CELF2: variants seen among roughly 807,000 people sequenced by gnomAD.
CELF2 encodes CUGBP Elav-like family member 2.
In CELF2, 8 loss-of-function variants were observed where a neutral mutation model predicts 62.6. The observed-to-expected ratio is 0.13, with a 90% CI of 0.07 to 0.23. The LOEUF is 0.23. Ranked by LOEUF, CELF2 falls within the 10% of genes least tolerant of loss-of-function variation. The probability of loss-of-function intolerance (pLI) is 1.00; values close to 1 mark genes in which losing one functional copy is unlikely to be tolerated. For missense variants in CELF2, 333 were observed against 671.0 expected, an observed-to-expected ratio of 0.50 and a Z score of 5.56; for synonymous variants, 258 against 250.0, an observed-to-expected ratio of 1.03 and a Z score of -0.30.
the CELF2 span, among the ~76,000 whole-genome samples, chr10:10,636,522 G>T: frequency 6.6e-6 from 1 of 152,284 alleles, no homozygotes; most frequent in East Asian, 1.9e-4. Context: ...CAATAATTGT[G>T]TGTTGACTGC....
chr10:10,497,785 T>C, the CELF2 span, among the ~76,000 whole-genome samples: 1 of 152,196 alleles, frequency 6.6e-6, no homozygotes, highest in Non-Finnish European at 1.5e-5. Context: ...GCACCGATAC[T>C]GTAAGCATCC....
chr10:11,182,388 C>T (rs2073715178), intron 2 of CELF2, among the ~76,000 whole-genome samples: 2 of 152,174 alleles, frequency 1.3e-5, no homozygotes, highest in African/African-American at 4.8e-5. Flanking sequence ...ACATACGACC[C>T]TTTTATGAGG....
At chr10:10,486,165 G>C in the CELF2 span, among the ~76,000 whole-genome samples, 1 of 152,122 alleles carries the variant, frequency 6.6e-6, no homozygotes, top group African/African-American at 2.4e-5. Context: ...AGGTGGAAAT[G>C]GTGGTCTTCA....
At chr10:11,057,687 G>A (rs947767321) in intron 1 of CELF2, among the ~76,000 whole-genome samples, 8 of 152,096 alleles carry the variant, frequency 5.3e-5, no homozygotes, top group Non-Finnish European at 8.8e-5. Flanking sequence ...GGCTTTTTAA[G>A]CATAAGGATG....
chr10:10,685,216 G>T, the CELF2 span, among the ~76,000 whole-genome samples: 1 of 152,164 alleles, frequency 6.6e-6, no homozygotes, highest in African/African-American at 2.4e-5. Flanking sequence ...CTTCTCAGAG[G>T]CCAAAGGAAA....
chr10:10,704,622 G>C, the CELF2 span, among the ~76,000 whole-genome samples: 1 of 152,094 alleles, frequency 6.6e-6, no homozygotes, highest in South Asian at 2.1e-4. Flanking sequence ...CAGTGGAGTG[G>C]AGTCTCCCGT....
In CELF2 at chr10:11,318,795, C is replaced by A. The variant is rs1244562932; in HGVS notation, c.1097-2394C>A. The stretch of plus-strand genomic sequence containing the variant: ...GTGTACAGAGAAGGGAGTTGGGTCC[C>A]AGTGACCACTGCCATAAAATGCCAC... On this transcript the variant is annotated intron_variant, in intron 10 of 12. Coordinates refer to ENST00000633077, the MANE Select transcript of CELF2 (RefSeq NM_001326342.2). The surrounding 1 kb of genome is among the most constrained non-coding windows in gnomAD (Gnocchi z 5.4). 1 of 471,256 alleles carries A rather than the reference C, an allele frequency of 2.1e-6. No homozygotes were observed. The highest frequency in any genetic ancestry group is 4.4e-6 in the Non-Finnish European group (1 of 227,068). The allele number at this position is 471,256 out of a possible 1,614,324, so 29.2% of individuals were successfully genotyped here.
chr10:10,673,317 G>A, the CELF2 span, among the ~76,000 whole-genome samples: 1 of 152,028 alleles, frequency 6.6e-6, no homozygotes, highest in Non-Finnish European at 1.5e-5. Context: ...GTACAATGTT[G>A]AAAAGCAGTG....
the CELF2 span, among the ~76,000 whole-genome samples, chr10:10,617,648 T>C: frequency 9.9e-5 from 15 of 152,090 alleles, no homozygotes; most frequent in African/African-American, 3.6e-4. Context: ...AGCAGCCCCC[T>C]GACTTTCCTC....
chr10:10,499,719 A>G, the CELF2 span, among the ~76,000 whole-genome samples: 1 of 152,178 alleles, frequency 6.6e-6, no homozygotes, highest in African/African-American at 2.4e-5. Context: ...CTCCACTAAG[A>G]ATACAAAAAT....
chr10:11,018,306 C>T (rs1264441975), intron 1 of CELF2, 143 bp downstream of exon 1: 3 of 563,550 alleles, frequency 5.3e-6, no homozygotes, highest in African/African-American at 4.1e-5. Context: ...CTTCGGAGGC[C>T]GGCACGGGAC....
chr10:10,657,087 A>T, the CELF2 span, among the ~76,000 whole-genome samples: 5 of 152,188 alleles, frequency 3.3e-5, no homozygotes, highest in Non-Finnish European at 4.4e-5. Flanking sequence ...TATTCAGCAG[A>T]TTGATAGAGG....
chr10:11,131,096 C>G (rs1343901672), intron 1 of CELF2, among the ~76,000 whole-genome samples: 1 of 152,196 alleles, frequency 6.6e-6, no homozygotes, highest in East Asian at 1.9e-4. Flanking sequence ...ACTGAAAATA[C>G]TTGATAGCAA....
chr10:11,315,194 G>A lies in CELF2; in HGVS notation c.1096+936G>A, dbSNP rs903756221. On this transcript the variant is annotated intron_variant, in intron 10 of 12. Transcript: ENST00000633077. The surrounding 1 kb of genome is among the most constrained non-coding windows in gnomAD (Gnocchi z 5.8). ...GGACATGTAATTTCCCTGTCCCTCCGTTTCAGATCCCCTGGTTGCCTGAGA... is the reference window on the plus strand; with the variant it reads ...GGACATGTAATTTCCCTGTCCCTCCATTTCAGATCCCCTGGTTGCCTGAGA... 4.0e-5 allele frequency among the ~76,000 whole-genome samples: 6 copies of A among 151,856 alleles called. No homozygotes were observed. Among genetic ancestry groups the A allele is most frequent in the African/African-American group, 9.7e-5 (4 of 41,164 alleles).
chr10:10,677,938 CTT>C, the CELF2 span, among the ~76,000 whole-genome samples: 1 of 152,138 alleles, frequency 6.6e-6, no homozygotes, highest in Non-Finnish European at 1.5e-5. Context: ...CAGGAATTGA[CTT>C]GTGACAGTCA....
chr10:10,902,590 G>A (rs1201346217), intron 1 of CELF2, among the ~76,000 whole-genome samples: 2 of 152,144 alleles, frequency 1.3e-5, no homozygotes, highest in Admixed American at 6.5e-5. Context: ...GGTTACTTGG[G>A]GACAGGGAAG....
At chr10:10,703,993 A>G in the CELF2 span, among the ~76,000 whole-genome samples, 150 of 152,348 alleles carry the variant, frequency 9.8e-4, 1 homozygote, top group African/African-American at 3.5e-3. Flanking sequence ...CAGCCATGCA[A>G]TGGATTAAAA....
At chr10:11,245,982 CA>C (rs1485529711) in intron 3 of CELF2, among the ~76,000 whole-genome samples, 1 of 152,158 alleles carries the variant, frequency 6.6e-6, no homozygotes, top group Non-Finnish European at 1.5e-5. Context: ...TGTGTCTATG[CA>C]GTCACTTATT....
intron 2 of CELF2, among the ~76,000 whole-genome samples, chr10:11,190,470 T>C (rs1449846133): frequency 1.3e-5 from 2 of 152,044 alleles, no homozygotes; most frequent in Non-Finnish European, 2.9e-5. Flanking sequence ...CTTTTCTCTT[T>C]GAAAAAAAAT....
Sources: gnomAD v4.1 joint callset for allele counts (sites outside exome capture counted in the v4.1 genomes callset) on GRCh38, gnomAD v4.1.1 for gene constraint, Gnocchi (gnomAD v3.1) non-coding constraint, MANE v1.5 for transcripts, NCBI Gene and HGNC (gene_info 2026-07-23, HGNC 2026-07-21) for gene names.